The following DLG5 variants were observed in gnomAD, a reference collection of about 807,000 sequenced individuals.
The protein encoded by DLG5 is disks large homolog 5.
Under a neutral mutation model 189.8 loss-of-function variants are expected in DLG5, and 48 were observed. That is an observed-to-expected ratio of 0.25 (90% CI 0.20 to 0.32). The LOEUF (loss-of-function observed/expected upper bound fraction) is 0.32. Ranked by LOEUF, DLG5 falls within the 10% of genes least tolerant of loss-of-function variation. DLG5 has a pLI of 1.00. For missense variants in DLG5, 2,160 were observed against 2,544.7 expected, an observed-to-expected ratio of 0.85 and a Z score of 3.25; for synonymous variants, 1,016 against 1,054.1, an observed-to-expected ratio of 0.96 and a Z score of 0.70.
At chr10:77,920,009 A>G (rs937751479) in intron 1 of DLG5, among the ~76,000 whole-genome samples, 1 of 152,154 alleles carries the variant, frequency 6.6e-6, no homozygotes, top group African/African-American at 2.4e-5. Flanking sequence ...TCGAACACCT[A>G]TCTTGTACTA....
rs1182386965 is a variant in DLG5 at position 77,816,599 on chromosome 10, G to C, written c.3977C>G (p.Pro1326Arg). 4 of 1,614,062 alleles carry C rather than the reference G, an allele frequency of 2.5e-6. No homozygotes were observed. The highest frequency in any genetic ancestry group is 1.3e-5 in the African/African-American group (1 of 74,932). Residue 1326 changes from proline (P) to arginine (R), a missense_variant, in exon 20 of 32, where the codon CCC (proline) becomes CGC (arginine). This residue lies in a region of DLG5 where 754 missense variants were observed against 746.5 expected (regional missense o/e 1.01). Transcript: ENST00000372391. ...SQSQTSASTL[P>R]RIAVNPASLG... ...GGACGCGGGGTTGACAGCGATTCTG[G>C]GCAATGTGGAGGCTGAGGTCTGGGA... is the stretch of plus-strand genomic sequence containing the variant.
chr10:77,907,552 C>G (rs1846102251), intron 1 of DLG5, among the ~76,000 whole-genome samples: 1 of 152,176 alleles, frequency 6.6e-6, no homozygotes, highest in Non-Finnish European at 1.5e-5. Flanking sequence ...GCACTCCAGC[C>G]TGGGCAACAG....
chr10:77,923,294 C>A (rs1564599766), intron 1 of DLG5, among the ~76,000 whole-genome samples: 2 of 152,208 alleles, frequency 1.3e-5, no homozygotes, highest in South Asian at 4.1e-4. Flanking sequence ...GAGGCAGGAC[C>A]AAGTGCTGGG....
chr10:77,886,462 G>A (rs1564575644), intron 1 of DLG5, among the ~76,000 whole-genome samples: 1 of 151,608 alleles, frequency 6.6e-6, no homozygotes. Context: ...CACCTCCCAG[G>A]TTCGCCTCAA....
chr10:77,820,732 C>T (rs922129780), intron 15 of DLG5: 3 of 296,226 alleles, frequency 1.0e-5, no homozygotes, highest in African/African-American at 2.2e-5. Context: ...CAGGCCGTCC[C>T]GCTGCCCACT....
chr10:77,936,164 G>T, the DLG5 span, among the ~76,000 whole-genome samples: 1 of 152,158 alleles, frequency 6.6e-6, no homozygotes, highest in African/African-American at 2.4e-5. Flanking sequence ...ATCTGGCTGG[G>T]CATGGTGGCT....
In DLG5 at chr10:77,806,906, C is replaced by T. The variant is rs147733899; in HGVS notation, c.4819G>A (p.Asp1607Asn). 4.5e-3 allele frequency: 7,222 copies of T among 1,613,758 alleles called. 24 individuals carry two copies. The highest frequency in any genetic ancestry group is 5.4e-3 in the Non-Finnish European group (6,398 of 1,179,622). The change falls in exon 26 of 32, where the codon GAT becomes AAT. Residue 1607 changes from aspartate (D) to asparagine (N), a missense_variant. Asp to Asn is a conservative substitution (Grantham distance 23). Coordinates refer to ENST00000372391, the MANE Select transcript of DLG5 (RefSeq NM_004747.4). ...YIRALYDRLADVEQELSFKKD... is the reference protein window; with the variant it reads ...YIRALYDRLANVEQELSFKKD... ...TTAAAGCTCAACTCTTGCTCCACAT[C>T]TGCCAGCCGGTCGTACAGGGCCCTG... is the stretch of plus-strand genomic sequence containing the variant.
At chr10:77,846,249 A>G (rs1455989679) in intron 5 of DLG5, among the ~76,000 whole-genome samples, 16 of 152,190 alleles carry the variant, frequency 1.1e-4, no homozygotes. Context: ...TCGTCTCAAA[A>G]AAAAGACGAA....
intron 1 of DLG5, among the ~76,000 whole-genome samples, chr10:77,907,283 G>A (rs1846094979): frequency 6.6e-6 from 1 of 152,090 alleles, no homozygotes; most frequent in Non-Finnish European, 1.5e-5. Flanking sequence ...ACAATCATAA[G>A]AATGAAAATA....
At chr10:77,836,148 G>T (rs1369260506) in intron 7 of DLG5, among the ~76,000 whole-genome samples, 1 of 152,010 alleles carries the variant, frequency 6.6e-6, no homozygotes, top group Non-Finnish European at 1.5e-5. Context: ...CTATAATCTG[G>T]CATACTGAGT....
At chr10:77,817,918 G>A (rs1202651126) in intron 17 of DLG5, 29 bp from the exon 18 acceptor site, 8 of 1,532,696 alleles carry the variant, frequency 5.2e-6, no homozygotes, top group African/African-American at 1.4e-5. Flanking sequence ...TGAGGAGTTC[G>A]GGAGGAGAAC....
intron 1 of DLG5, among the ~76,000 whole-genome samples, chr10:77,919,211 A>T (rs898002173): frequency 6.6e-6 from 1 of 152,068 alleles, no homozygotes; most frequent in Non-Finnish European, 1.5e-5. Context: ...GCAAGGCTCC[A>T]TCTCAAAACA....
chr10:77,906,196 C>T (rs990681242), intron 1 of DLG5, among the ~76,000 whole-genome samples: 1 of 152,202 alleles, frequency 6.6e-6, no homozygotes, highest in Non-Finnish European at 1.5e-5. Context: ...TTTGCTGGTA[C>T]CCTGCCAGAG....
chr10:77,804,031 C>A (rs1226105870), intron 27 of DLG5, among the ~76,000 whole-genome samples: 1 of 152,012 alleles, frequency 6.6e-6, no homozygotes, highest in African/African-American at 2.4e-5. Flanking sequence ...GCTGGAACTA[C>A]AGGCATGAGC....
At chr10:77,816,414 G>T in intron 20 of DLG5, 137 bp downstream of exon 20, 1 of 1,359,010 alleles carries the variant, frequency 7.4e-7, no homozygotes, top group Non-Finnish European at 1.0e-6. Flanking sequence ...ACTTACTGGT[G>T]ACACCAGCAA....
chr10:77,792,804 A>C, intron 31 of DLG5: 1 of 441,674 alleles, frequency 2.3e-6, no homozygotes. Context: ...GGTTGGGGGA[A>C]TCCCAGGGCA....
intron 16 of DLG5, 176 bp from the exon 17 acceptor site, chr10:77,819,641 T>C: frequency 1.9e-6 from 2 of 1,058,422 alleles, no homozygotes; most frequent in Admixed American, 5.9e-5. Flanking sequence ...TGTCTCCATT[T>C]GTAAAAAGGG....
chr10:77,821,041 C>T (rs1473517270), intron 15 of DLG5, 41 bp downstream of exon 15: 1 of 1,561,876 alleles, frequency 6.4e-7, no homozygotes, highest in Non-Finnish European at 8.7e-7. Flanking sequence ...AACTGCCCCT[C>T]TCTAGGCCTC....
rs145120013 is a variant in DLG5, at chr10:77,880,691, T to C, written c.305-11494A>G. On this transcript the variant is annotated intron_variant, in intron 1 of 31. Transcript: ENST00000372391. The stretch of plus-strand genomic sequence containing the variant: ...ATTAGGGAGACCCTTCAGTGTATAC[T>C]AGGCATCCTACATGGCACAGCTCAT... 2.4e-3 allele frequency among the ~76,000 whole-genome samples: 364 copies of C among 152,318 alleles called. 2 individuals are homozygous for C. Among genetic ancestry groups the C allele is most frequent in the South Asian group, 0.024 (115 of 4,824 alleles).
Sources: gnomAD v4.1 joint callset for allele counts (sites outside exome capture counted in the v4.1 genomes callset) on GRCh38, gnomAD v4.1.1 for gene constraint, gnomAD v4.1.1 regional missense constraint, MANE v1.5 for transcripts, NCBI Gene and HGNC (gene_info 2026-07-23, HGNC 2026-07-21) for gene names.